Variants in MBD2 observed in about 807,000 individuals in gnomAD.
MBD2 encodes methyl-CpG-binding domain protein 2.
In MBD2, 9 loss-of-function variants were observed where a neutral mutation model predicts 39.3. That is an observed-to-expected ratio of 0.23 (90% CI 0.14 to 0.40). The LOEUF (loss-of-function observed/expected upper bound fraction) is 0.40. Ranked by LOEUF, MBD2 falls within the 10% of genes least tolerant of loss-of-function variation. MBD2 has a pLI of 1.00. For missense variants in MBD2, 458 were observed against 532.6 expected (o/e 0.86, Z 1.38); for synonymous variants, 233 against 211.1 (o/e 1.10, Z -0.90).
rs373275038 is a variant in MBD2, at chr18:54,203,935, A to G, written c.702+1063T>C. 5.3e-4 allele frequency among the ~76,000 whole-genome samples: 80 copies of G among 152,254 alleles called. 1 individual carries two copies. In the South Asian group the frequency reaches 0.013, roughly 26 times the overall value. On this transcript the variant is annotated intron_variant, in intron 2 of 6. Transcript: ENST00000256429. ...CTCCTTACAACAATGCTAAGGGAAA[A>G]TTTTCTTACTTTAATTTTACCAATG...
chr18:54,197,933 C>G (rs2086378905), intron 2 of MBD2, among the ~76,000 whole-genome samples: 1 of 152,198 alleles, frequency 6.6e-6, no homozygotes, highest in Admixed American at 6.5e-5. Flanking sequence ...TTCCCTGTCC[C>G]CAACTTTATC....
chr18:54,203,118 G>C, intron 2 of MBD2: 1 of 1,611,970 alleles, frequency 6.2e-7, no homozygotes, highest in Non-Finnish European at 8.5e-7. Flanking sequence ...GCAGAAAAGT[G>C]CACACAAACT....
intron 3 of MBD2, among the ~76,000 whole-genome samples, chr18:54,181,797 C>A (rs975030163): frequency 6.6e-6 from 1 of 152,202 alleles, no homozygotes; most frequent in African/African-American, 2.4e-5. Flanking sequence ...CTGTGCCCGG[C>A]CATCAGTTAT....
chr18:54,203,132 GA>G (rs560221034), intron 2 of MBD2: 283 of 1,610,154 alleles, frequency 1.8e-4, no homozygotes, highest in Non-Finnish European at 2.3e-4. Context: ...ACAAACTGAA[GA>G]GATGAATTAG....
intron 3 of MBD2, chr18:54,187,815 T>C (rs991807108): frequency 4.1e-5 from 40 of 985,766 alleles, no homozygotes; most frequent in Non-Finnish European, 4.6e-5. Flanking sequence ...TGGCTCCAAA[T>C]ATCTTCTGTT....
intron 1 of MBD2, among the ~76,000 whole-genome samples, chr18:54,205,586 T>C (rs963839441): frequency 7.7e-4 from 69 of 89,990 alleles, no homozygotes; most frequent in Middle Eastern, 6.6e-3. Flanking sequence ...AGCAAAACTC[T>C]ATCTCAAAAA....
At chr18:54,163,223 G>C (rs2086109163) in intron 5 of MBD2, among the ~76,000 whole-genome samples, 1 of 152,172 alleles carries the variant, frequency 6.6e-6, no homozygotes, top group Non-Finnish European at 1.5e-5. Context: ...AGTGAGCTGA[G>C]TTTGTGCCAC....
intron 5 of MBD2, among the ~76,000 whole-genome samples, chr18:54,161,855 A>T (rs542684880): frequency 1.1e-3 from 131 of 123,962 alleles, no homozygotes; most frequent in Admixed American, 1.6e-3. Context: ...TTAGGTTACC[A>T]ATCAACTGAT....
intron 1 of MBD2, among the ~76,000 whole-genome samples, chr18:54,206,719 G>T (rs542162081): frequency 2.0e-5 from 3 of 151,504 alleles, no homozygotes; most frequent in Non-Finnish European, 4.4e-5. Flanking sequence ...CACAATTCAA[G>T]GTATAGAGTT....
chr18:54,210,325 A>G (rs1213765407), intron 1 of MBD2, among the ~76,000 whole-genome samples: 1 of 152,248 alleles, frequency 6.6e-6, no homozygotes, highest in African/African-American at 2.4e-5. Flanking sequence ...TTGAAACCAG[A>G]AATACTCAGA....
intron 1 of MBD2, among the ~76,000 whole-genome samples, chr18:54,211,216 T>C (rs1196023908): frequency 6.6e-6 from 1 of 152,104 alleles, no homozygotes; most frequent in Non-Finnish European, 1.5e-5. Flanking sequence ...CACTTACTTC[T>C]CACTTACAAC....
rs2086023162 is a variant in MBD2 at position 54,151,807 on chromosome 18, C to T, written c.*3517G>A. The T allele has an allele frequency of 6.8e-6, 1 of 147,006 alleles. No homozygotes were observed. Among genetic ancestry groups the T allele is most frequent in the South Asian group, 2.2e-4 (1 of 4,568 alleles). 9.1% of individuals were successfully genotyped at this position (147,006 alleles called of 1,614,324 possible). A position where few individuals can be genotyped will look rare whatever the true frequency, so the allele number is the denominator to read the frequency against. On this transcript the variant is annotated 3_prime_UTR_variant, in exon 7 of 7. Coordinates refer to ENST00000256429, the MANE Select transcript of MBD2 (RefSeq NM_003927.5). ...TTATATTCAAAGAGATTGTATAACA[C>T]TCTCTAGATCTCCTCTTTAGACCAA...
Position 54,224,092 on chromosome 18 carries a change from G to T in MBD2, c.468C>A (p.Pro156=), listed in dbSNP as rs1287594575. Residue 156 remains proline, a synonymous_variant, in exon 1 of 7, where the codon CCC becomes CCA. Coordinates refer to ENST00000256429, the MANE Select transcript of MBD2 (RefSeq NM_003927.5). ...TCACTTCCTCCTTCTTCCATCCGGG[G>T]GGGAGGGCCGGGCAATCCATCCTCT... ...SGKRMDCPAL[P]PGWKKEEVIR... is the part of the protein sequence containing the mutation. The T allele has an allele frequency of 6.3e-7, 1 of 1,595,422 alleles. No homozygotes were observed. Among genetic ancestry groups the T allele is most frequent in the Non-Finnish European group, 8.5e-7 (1 of 1,174,640 alleles).
intron 4 of MBD2, among the ~76,000 whole-genome samples, chr18:54,165,254 CT>C (rs1242573314): frequency 6.6e-6 from 1 of 152,138 alleles, no homozygotes; most frequent in African/African-American, 2.4e-5. Context: ...GCTTTAACAG[CT>C]TTTTTCATAA....
rs138499754 is a variant in MBD2 at position 54,182,437 on chromosome 18, A to G, written c.840+6437T>C. Among the ~76,000 whole-genome samples, 760 of 152,304 alleles carry G rather than the reference A, an allele frequency of 5.0e-3. 8 individuals carry two copies. The highest frequency in any genetic ancestry group is 0.017 in the African/African-American group (691 of 41,564). On this transcript the variant is annotated intron_variant, in intron 3 of 6. Coordinates refer to ENST00000256429, the MANE Select transcript of MBD2 (RefSeq NM_003927.5). Reference sequence around the variant, plus strand: ...AAACAGCATGAAATCTGATCAAGGTATGTAAGGGTCAGGGGTAGGGGATGA... The same window carrying G: ...AAACAGCATGAAATCTGATCAAGGTGTGTAAGGGTCAGGGGTAGGGGATGA...
In MBD2 at chr18:54,180,897, C is replaced by CTTTT. The variant is rs1211071727; in HGVS notation, c.840+7973_840+7976dup. On this transcript the variant is annotated intron_variant, in intron 3 of 6. Coordinates refer to ENST00000256429, the MANE Select transcript of MBD2 (RefSeq NM_003927.5). The stretch of plus-strand genomic sequence containing the variant: ...CAGCCTATGTATTCCTTAATTTTTT[C>CTTTT]TTTTTCTTTTTTTTTTTTTTTTTTT... 4.7e-4 allele frequency among the ~76,000 whole-genome samples: 50 copies of CTTTT among 105,348 alleles called. 1 individual carries two copies. Among genetic ancestry groups the CTTTT allele is most frequent in the East Asian group, 9.1e-4 (3 of 3,280 alleles). 69.1% of individuals were successfully genotyped at this position (105,348 alleles called of 152,430 possible).
intron 1 of MBD2, among the ~76,000 whole-genome samples, chr18:54,212,235 G>T (rs2086514091): frequency 6.6e-6 from 1 of 151,986 alleles, no homozygotes; most frequent in African/African-American, 2.4e-5. Flanking sequence ...GCTACCCCTA[G>T]TCTCCAAGAG....
At chr18:54,164,488 A>C in intron 5 of MBD2, 35 bp downstream of exon 5, 1 of 1,581,392 alleles carries the variant, frequency 6.3e-7, no homozygotes, top group South Asian at 1.1e-5. Context: ...AAACGTAAAA[A>C]CCCAAGTTTA....
chr18:54,187,045 T>C (rs1402466013), intron 3 of MBD2, among the ~76,000 whole-genome samples: 1 of 152,236 alleles, frequency 6.6e-6, no homozygotes, highest in Non-Finnish European at 1.5e-5. Flanking sequence ...AATATCTCTA[T>C]AGCCAGGTAA....
Sources: gnomAD v4.1 joint callset for allele counts (sites outside exome capture counted in the v4.1 genomes callset) on GRCh38, gnomAD v4.1.1 for gene constraint, MANE v1.5 for transcripts, NCBI Gene and HGNC (gene_info 2026-07-23, HGNC 2026-07-21) for gene names.